SLC9A9: variants seen among roughly 807,000 people sequenced by gnomAD.
SLC9A9 encodes the protein sodium/hydrogen exchanger 9.
SLC9A9 carries 62 observed loss-of-function variants against 77.8 expected under a neutral mutation model. That is an observed-to-expected ratio of 0.80 (90% CI 0.65 to 0.98). The LOEUF (loss-of-function observed/expected upper bound fraction) is 0.98. Ranked by LOEUF, SLC9A9 falls within the 50% of genes least tolerant of loss-of-function variation. The pLI, the probability that SLC9A9 is intolerant of heterozygous loss-of-function variation, is 0.00. For missense variants in SLC9A9, 775 were observed against 774.9 expected (o/e 1.00, Z 0.00); for synonymous variants, 320 against 283.5 (o/e 1.13, Z -1.29).
chr3:143,369,210 G>A (rs2032986739), intron 13 of SLC9A9, among the ~76,000 whole-genome samples: 2 of 152,094 alleles, frequency 1.3e-5, no homozygotes, highest in African/African-American at 4.8e-5. Context: ...TAAATTATTT[G>A]GTTCAGGAAA....
At chr3:143,388,674 T>C (rs1380890349) in intron 12 of SLC9A9, among the ~76,000 whole-genome samples, 3 of 152,160 alleles carry the variant, frequency 2.0e-5, no homozygotes, top group Admixed American at 1.3e-4. Context: ...GAGTCATAGA[T>C]ACAATATAGG....
chr3:143,790,653 A>G (rs542310460), intron 4 of SLC9A9, among the ~76,000 whole-genome samples: 1 of 152,332 alleles, frequency 6.6e-6, no homozygotes, highest in Admixed American at 6.5e-5. Context: ...ATCTTGGACA[A>G]GTCTAAACTA....
intron 4 of SLC9A9, among the ~76,000 whole-genome samples, chr3:143,784,698 C>T (rs908461692): frequency 5.3e-5 from 8 of 152,024 alleles, no homozygotes; most frequent in Admixed American, 5.2e-4. Context: ...ACCTTGATAT[C>T]TCTGAAGATA....
intron 4 of SLC9A9, among the ~76,000 whole-genome samples, chr3:143,793,331 A>G (rs2008276355): frequency 6.6e-6 from 1 of 152,210 alleles, no homozygotes. Flanking sequence ...TAGATTTTTC[A>G]TGATAGTGAA....
chr3:143,310,601 C>T (rs1381834396), intron 14 of SLC9A9, among the ~76,000 whole-genome samples: 1 of 151,666 alleles, frequency 6.6e-6, no homozygotes, highest in Non-Finnish European at 1.5e-5. Flanking sequence ...TTTCTGCTTC[C>T]TGCCCACTTT....
intron 9 of SLC9A9, among the ~76,000 whole-genome samples, chr3:143,524,995 T>C (rs2036380283): frequency 6.6e-6 from 1 of 152,160 alleles, no homozygotes; most frequent in Admixed American, 6.5e-5. Flanking sequence ...AATCATGAGC[T>C]AAAAAAGTCT....
chr3:143,566,932 T>G (rs2037178921), intron 8 of SLC9A9, among the ~76,000 whole-genome samples: 1 of 152,172 alleles, frequency 6.6e-6, no homozygotes, highest in Non-Finnish European at 1.5e-5. Flanking sequence ...TCGGTTATCT[T>G]TATAAACTGG....
chr3:143,462,427 A>G (rs2035209259), intron 12 of SLC9A9, among the ~76,000 whole-genome samples: 1 of 152,210 alleles, frequency 6.6e-6, no homozygotes, highest in South Asian at 2.1e-4. Context: ...TCACTCTGCA[A>G]TAGACGTAAG....
chr3:143,441,834 T>TCATC (rs796090893), intron 12 of SLC9A9, among the ~76,000 whole-genome samples: 183 of 129,712 alleles, frequency 1.4e-3, no homozygotes, highest in Non-Finnish European at 2.0e-3. Context: ...ATTTACTCAT[T>TCATC]CATCCATCCA....
chr3:143,553,729 T>C (rs1282528439), intron 8 of SLC9A9, among the ~76,000 whole-genome samples: 4 of 152,208 alleles, frequency 2.6e-5, no homozygotes, highest in Non-Finnish European at 4.4e-5. Context: ...CTTCAAAATT[T>C]TAGACAAAAG....
intron 14 of SLC9A9, among the ~76,000 whole-genome samples, chr3:143,278,679 C>G (rs530562050): frequency 1.3e-5 from 2 of 152,056 alleles, no homozygotes; most frequent in Non-Finnish European, 2.9e-5. Flanking sequence ...CTTAGGGGCC[C>G]GCCCTGTTCC....
intron 12 of SLC9A9, among the ~76,000 whole-genome samples, chr3:143,410,145 G>T (rs1032443105): frequency 2.6e-5 from 4 of 152,158 alleles, no homozygotes; most frequent in South Asian, 2.1e-4. Context: ...AGAGGAGAGG[G>T]TTGGAGAGGA....
In SLC9A9 at chr3:143,485,906, C is replaced by T. The variant is rs549482784; in HGVS notation, c.1315+7747G>A. On this transcript the variant is annotated intron_variant, in intron 11 of 15. Transcript: ENST00000316549. ...AAGATATATGAACAAAAAGGAAATA[C>T]CAATAAAGAGAGAGACATGAATATA... 9.2e-5 allele frequency among the ~76,000 whole-genome samples: 14 copies of T among 151,734 alleles called. No individual in the cohort carries two copies. The South Asian group carries it at 2.9e-3, about 32-fold the overall frequency.
At chr3:143,428,703 G>GGATA (rs71304255) in intron 12 of SLC9A9, among the ~76,000 whole-genome samples, 101,109 of 151,590 alleles carry the variant, frequency 0.67, 34,589 homozygotes, top group African/African-American at 0.83. Flanking sequence ...ACAGATGAAT[G>GGATA]AAGACAGACA....
At chr3:143,664,499 T>C (rs576982680) in intron 5 of SLC9A9, among the ~76,000 whole-genome samples, 1 of 152,324 alleles carries the variant, frequency 6.6e-6, no homozygotes, top group East Asian at 1.9e-4. Context: ...GAAATGTAAA[T>C]GGGCTAAATG....
chr3:143,291,866 C>G (rs2029995894), intron 14 of SLC9A9, among the ~76,000 whole-genome samples: 1 of 152,164 alleles, frequency 6.6e-6, no homozygotes, highest in Non-Finnish European at 1.5e-5. Flanking sequence ...AAAAGAGGAG[C>G]AAAGTCAGGA....
chr3:143,478,697 C>G (rs950626341), intron 11 of SLC9A9, among the ~76,000 whole-genome samples: 1 of 152,204 alleles, frequency 6.6e-6, no homozygotes, highest in Non-Finnish European at 1.5e-5. Flanking sequence ...TTATTGACTT[C>G]TTTTGAACTC....
chr3:143,361,870 C>T (rs1371979262), intron 14 of SLC9A9, among the ~76,000 whole-genome samples: 1 of 151,968 alleles, frequency 6.6e-6, no homozygotes, highest in Non-Finnish European at 1.5e-5. Flanking sequence ...TCACTTTATT[C>T]CTTTTCTTCA....
At chr3:143,620,955 G>A (rs574477631) in intron 6 of SLC9A9, among the ~76,000 whole-genome samples, 6 of 152,262 alleles carry the variant, frequency 3.9e-5, no homozygotes, top group East Asian at 3.9e-4. Flanking sequence ...CAAACGGCAC[G>A]CCAGGAGATT....
Sources: gnomAD v4.1 joint callset for allele counts (sites outside exome capture counted in the v4.1 genomes callset) on GRCh38, gnomAD v4.1.1 for gene constraint, MANE v1.5 for transcripts, NCBI Gene and HGNC (gene_info 2026-07-23, HGNC 2026-07-21) for gene names.